Variants in BTRC observed in about 807,000 individuals in gnomAD.
BTRC encodes the protein F-box/WD repeat-containing protein 1A.
A neutral mutation model predicts 85.5 loss-of-function variants in BTRC; 42 were observed. That is an observed-to-expected ratio of 0.49 (90% CI 0.38 to 0.64). The LOEUF is 0.64. Ranked by LOEUF, BTRC falls within the 30% of genes least tolerant of loss-of-function variation. The probability of loss-of-function intolerance (pLI) is 0.00; values close to 1 mark genes in which losing one functional copy is unlikely to be tolerated. For missense variants in BTRC, 594 were observed against 743.5 expected (o/e 0.80, Z 2.34); for synonymous variants, 255 against 263.3 (o/e 0.97, Z 0.30).
intron 4 of BTRC, among the ~76,000 whole-genome samples, chr10:101,515,334 A>G (rs1027463014): frequency 6.6e-6 from 1 of 151,960 alleles, no homozygotes; most frequent in Non-Finnish European, 1.5e-5. Context: ...TCAGCGAGTT[A>G]ATTTGCCTGC....
At chr10:101,481,177 C>G (rs946978276) in intron 4 of BTRC, among the ~76,000 whole-genome samples, 1 of 152,148 alleles carries the variant, frequency 6.6e-6, no homozygotes, top group South Asian at 2.1e-4. Context: ...CTCCTGGCCT[C>G]GAGTAATCCT....
At chr10:101,537,326 G>A (rs562106735) in intron 12 of BTRC, among the ~76,000 whole-genome samples, 3 of 152,190 alleles carry the variant, frequency 2.0e-5, no homozygotes, top group Non-Finnish European at 4.4e-5. Flanking sequence ...TCAGTAGTTC[G>A]AGACCAGCCT....
rs375980263 is a variant in BTRC, at chr10:101,366,766, T to TTATATATATATATA, written c.48+12548_48+12561dup. Among the ~76,000 whole-genome samples, 9 of 50,922 alleles carry TTATATATATATATA rather than the reference T, an allele frequency of 1.8e-4. No homozygotes were observed. The East Asian group carries it at 2.9e-3, about 17-fold the overall frequency. The allele number at this position is 50,922 out of a possible 152,430, so 33.4% of individuals were successfully genotyped here. The stretch of plus-strand genomic sequence containing the variant: ...CCCAGGGAGTTTGGACTTAATCTAG[T>TTATATATATATATA]TATATATATATATATATATATATTT... On this transcript the variant is annotated intron_variant, in intron 1 of 14. Transcript: ENST00000370187.
chr10:101,449,653 A>T (rs1478952640), intron 2 of BTRC, among the ~76,000 whole-genome samples: 2 of 152,138 alleles, frequency 1.3e-5, no homozygotes, highest in African/African-American at 4.8e-5. Context: ...AGGTAAGTTA[A>T]GCTAGTTATA....
chr10:101,407,728 CTTTT>C (rs60661364), intron 1 of BTRC, among the ~76,000 whole-genome samples: 1 of 138,314 alleles, frequency 7.2e-6, no homozygotes, highest in Non-Finnish European at 1.6e-5. Context: ...TTTTCTTTTT[CTTTT>C]TTTTTTTTTG....
intron 4 of BTRC, among the ~76,000 whole-genome samples, chr10:101,482,074 C>T (rs1296224008): frequency 1.3e-5 from 2 of 152,154 alleles, no homozygotes; most frequent in African/African-American, 2.4e-5. Flanking sequence ...GGCTGGAGTG[C>T]GGTGGTGCCA....
chr10:101,464,203 TA>T (rs1945308558), intron 3 of BTRC, among the ~76,000 whole-genome samples: 1 of 152,312 alleles, frequency 6.6e-6, no homozygotes, highest in Non-Finnish European at 1.5e-5. Context: ...AGTTATAAAT[TA>T]ATTTTAATAG....
intron 4 of BTRC, among the ~76,000 whole-genome samples, chr10:101,520,599 T>C (rs776491052): frequency 7.9e-5 from 12 of 152,192 alleles, no homozygotes; most frequent in Non-Finnish European, 1.6e-4. Context: ...TCCAAAAAGG[T>C]ACCACAGAGT....
chr10:101,410,858 T>C (rs571265745), intron 1 of BTRC, among the ~76,000 whole-genome samples: 42 of 152,290 alleles, frequency 2.8e-4, no homozygotes, highest in African/African-American at 1.0e-3. Context: ...TCCTATCCTT[T>C]GTGTTATTAT....
chr10:101,429,186 G>T (rs1944334211), intron 1 of BTRC, among the ~76,000 whole-genome samples: 1 of 152,052 alleles, frequency 6.6e-6, no homozygotes, highest in Non-Finnish European at 1.5e-5. Context: ...TAGGTATTTA[G>T]TTTTTTAGTT....
chr10:101,406,460 G>A (rs1050827647), intron 1 of BTRC, among the ~76,000 whole-genome samples: 1 of 150,164 alleles, frequency 6.7e-6, no homozygotes, highest in South Asian at 2.1e-4. Flanking sequence ...CACTGCACCC[G>A]GCCTACTGCT....
In BTRC at chr10:101,556,648, G is replaced by A. The variant is rs1173301806; in HGVS notation, c.*3525G>A. The stretch of plus-strand genomic sequence containing the variant: ...TTTCTTAGGGGAATAAAACAGTTTC[G>A]CTTCTTTAGCTCATCTGTGGTGTCA... On this transcript the variant is annotated 3_prime_UTR_variant, in exon 15 of 15. Transcript: ENST00000370187. 6.6e-6 allele frequency: 1 copy of A among 152,212 alleles called. No individual in the cohort carries two copies. The highest frequency in any genetic ancestry group is 1.5e-5 in the Non-Finnish European group (1 of 68,038). 9.4% of individuals were successfully genotyped at this position (152,212 alleles called of 1,614,324 possible). A position where few individuals can be genotyped will look rare whatever the true frequency, so the allele number is the denominator to read the frequency against.
intron 1 of BTRC, among the ~76,000 whole-genome samples, chr10:101,374,343 TGCGGCATTATTCACAATAGCAAA>T (rs978447147): frequency 6.6e-6 from 1 of 152,086 alleles, no homozygotes; most frequent in Non-Finnish European, 1.5e-5. Flanking sequence ...ATGTGTTTAT[TGCGGCATTATTCACAATAGCAAA>T]GACTTGGAAC....
intron 1 of BTRC, among the ~76,000 whole-genome samples, chr10:101,388,288 A>G (rs1007315079): frequency 3.9e-5 from 6 of 151,930 alleles, no homozygotes; most frequent in Admixed American, 2.0e-4. Context: ...CAGCCTTCCA[A>G]GTAGCTAGGA....
At chr10:101,385,994 G>A (rs1943069300) in intron 1 of BTRC, among the ~76,000 whole-genome samples, 1 of 152,134 alleles carries the variant, frequency 6.6e-6, no homozygotes, top group African/African-American at 2.4e-5. Context: ...TGTTGAGTAT[G>A]TTGCCTAGTA....
intron 1 of BTRC, among the ~76,000 whole-genome samples, chr10:101,407,720 TTC>T (rs1943664914): frequency 7.5e-6 from 1 of 132,660 alleles, no homozygotes. Flanking sequence ...ATTAATTTTT[TTC>T]TTTTTCTTTT....
In BTRC at chr10:101,448,659, A is replaced by G. The variant is rs148208130; in HGVS notation, c.157-13322A>G. Among the ~76,000 whole-genome samples, 136 of 152,148 alleles carry G rather than the reference A, an allele frequency of 8.9e-4. 1 individual carries two copies. The highest frequency in any genetic ancestry group is 3.2e-3 in the African/African-American group (132 of 41,556). ...TTAAAAACATATTTTCTCTCATTCTAGTTTTTTCATTTCTGTGGTGGAGAT... is the reference window on the plus strand; with the variant it reads ...TTAAAAACATATTTTCTCTCATTCTGGTTTTTTCATTTCTGTGGTGGAGAT... On this transcript the variant is annotated intron_variant, in intron 2 of 14. Coordinates refer to ENST00000370187, the MANE Select transcript of BTRC (RefSeq NM_033637.4).
At chr10:101,488,518 A>AT (rs1316373495) in intron 4 of BTRC, among the ~76,000 whole-genome samples, 3 of 152,206 alleles carry the variant, frequency 2.0e-5, no homozygotes, top group Non-Finnish European at 4.4e-5. Flanking sequence ...ATCAAATGGT[A>AT]TTAGGCTATA....
intron 2 of BTRC, among the ~76,000 whole-genome samples, chr10:101,436,460 C>T (rs1246897937): frequency 6.6e-6 from 1 of 152,022 alleles, no homozygotes; most frequent in Non-Finnish European, 1.5e-5. Flanking sequence ...GCCTGGGCAA[C>T]ATAGTGAGAC....
Sources: allele counts gnomAD v4.1 joint callset (sites outside exome capture counted in the v4.1 genomes callset), GRCh38; gene constraint gnomAD v4.1.1; transcripts MANE v1.5; gene names NCBI Gene and HGNC (gene_info 2026-07-23, HGNC 2026-07-21).